Variants in FAM53A observed in about 807,000 individuals in gnomAD.
The protein encoded by FAM53A is protein FAM53A.
FAM53A carries 28 observed loss-of-function variants against 26.6 expected under a neutral mutation model. That is an observed-to-expected ratio of 1.05 (90% confidence interval 0.78 to 1.45). The LOEUF (loss-of-function observed/expected upper bound fraction) is 1.45, where lower values mean the gene tolerates loss of function less well. Among genes scored for constraint, FAM53A ranks in the 40% most tolerant of loss-of-function variants. FAM53A has a pLI of 0.00. For synonymous variants in FAM53A, 290 were observed against 253.1 expected, an observed-to-expected ratio of 1.15 and a Z score of -1.38; for missense variants, 650 against 575.8, an observed-to-expected ratio of 1.13 and a Z score of -1.32.
At chr4:1,681,154 C>T (rs1224619049) in intron 1 of FAM53A, among the ~76,000 whole-genome samples, 6 of 152,074 alleles carry the variant, frequency 3.9e-5, no homozygotes, top group African/African-American at 1.2e-4. Flanking sequence ...TGAAGTGCAA[C>T]GGCGCGATCT....
intron 1 of FAM53A, among the ~76,000 whole-genome samples, chr4:1,671,931 A>C (rs1238858709): frequency 1.3e-5 from 2 of 152,236 alleles, no homozygotes; most frequent in Non-Finnish European, 2.9e-5. Context: ...GGGCAGGGAA[A>C]AGAGCTGGAG....
the FAM53A span, among the ~76,000 whole-genome samples, chr4:1,609,917 C>T: frequency 1.4e-4 from 22 of 152,066 alleles, no homozygotes; most frequent in South Asian, 2.1e-4. Flanking sequence ...GAGCCGAGAT[C>T]GCGCCACTGC....
chr4:1,658,811 G>A (rs1298246845), intron 2 of FAM53A, among the ~76,000 whole-genome samples: 1 of 152,218 alleles, frequency 6.6e-6, no homozygotes, highest in Non-Finnish European at 1.5e-5. Flanking sequence ...CCGGGTGCCC[G>A]GCAAGCTCCC....
At chr4:1,636,970 C>G (rs965971073), downstream of FAM53A, among the ~76,000 whole-genome samples, 3 of 152,204 alleles carry the variant, frequency 2.0e-5, no homozygotes, top group Non-Finnish European at 4.4e-5. Context: ...CCTCCTCCCC[C>G]CAGGGCACTG....
rs777114084 is a variant in FAM53A at position 1,655,013 on chromosome 4, T to A, written c.847A>T (p.Thr283Ser). 6.4e-7 allele frequency: 1 copy of A among 1,551,258 alleles called. No homozygotes were observed. The highest frequency in any genetic ancestry group is 8.7e-7 in the Non-Finnish European group (1 of 1,150,032). The change falls in exon 4 of 5, where the codon ACA becomes TCA. Residue 283 changes from threonine (T) to serine (S), a missense_variant. Thr to Ser is a moderately conservative substitution (Grantham distance 58). Coordinates refer to ENST00000308132, the MANE Select transcript of FAM53A (RefSeq NM_001174070.3). ...KRRREEDARW[T>S]RPSLDFLKMT... ...TTCAGGAAGTCCAAGGATGGGCGTG[T>A]CCACCTGGCGTCCTCCTCACGCCTC...
intron 1 of FAM53A, among the ~76,000 whole-genome samples, chr4:1,624,882 G>A (rs1715211164): frequency 6.7e-6 from 1 of 148,928 alleles, no homozygotes; most frequent in Admixed American, 6.7e-5. Context: ...ACGTGGTCAG[G>A]GGTCACACCA....
chr4:1,609,935 A>C, the FAM53A span, among the ~76,000 whole-genome samples: 1 of 151,988 alleles, frequency 6.6e-6, no homozygotes, highest in Non-Finnish European at 1.5e-5. Context: ...TGCACTCCAG[A>C]CTGGGCAACA....
At chr4:1,651,868 A>G (rs1475124793) in intron 4 of FAM53A, among the ~76,000 whole-genome samples, 1 of 151,954 alleles carries the variant, frequency 6.6e-6, no homozygotes, top group Non-Finnish European at 1.5e-5. Context: ...GCGCAGCCCC[A>G]GTCCTAGGGG....
At position 1,640,179 on chromosome 4, in the gene FAM53A, C is replaced by T. The variant is rs1048132422; in HGVS notation, c.*1114G>A. 71 of 162,220 alleles carry T rather than the reference C, an allele frequency of 4.4e-4. No individual in the cohort carries two copies. Among genetic ancestry groups the T allele is most frequent in the African/African-American group, 1.6e-3 (68 of 41,504 alleles). The allele number at this position is 162,220 out of a possible 1,614,324, so 10.0% of individuals were successfully genotyped here. On this transcript the variant is annotated 3_prime_UTR_variant, in exon 5 of 5. Transcript: ENST00000308132. ...AAGGTGCAAGGGCCCTCCCAGGCCA[C>T]GGGAAGCAGGGACTCATGGCACCTT...
chr4:1,612,966 C>T (rs1393173082), downstream of FAM53A, among the ~76,000 whole-genome samples: 1 of 152,218 alleles, frequency 6.6e-6, no homozygotes, highest in Non-Finnish European at 1.5e-5. Flanking sequence ...AATTCACTAA[C>T]CCAGGCATGC....
chr4:1,593,065 C>T, the FAM53A span, among the ~76,000 whole-genome samples: 1 of 152,176 alleles, frequency 6.6e-6, no homozygotes, highest in Non-Finnish European at 1.5e-5. Flanking sequence ...GGAGCACGAG[C>T]GGGCGCAGCA....
the FAM53A span, among the ~76,000 whole-genome samples, chr4:1,600,535 C>G: frequency 6.6e-6 from 1 of 152,220 alleles, no homozygotes; most frequent in Non-Finnish European, 1.5e-5. Context: ...CACGTGTGCA[C>G]TGTCCCTGCA....
At chr4:1,583,548 C>T in the FAM53A span, among the ~76,000 whole-genome samples, 2 of 152,248 alleles carry the variant, frequency 1.3e-5, no homozygotes, top group African/African-American at 2.4e-5. Context: ...GCTTCTCACA[C>T]GTCTCATGTG....
In FAM53A at chr4:1,641,503, G is replaced by A. The variant is rs1156861060; in HGVS notation, c.987C>T (p.Gly329=). Residue 329 remains glycine, a synonymous_variant, in exon 5 of 5, where the codon GGC becomes GGT. Coordinates refer to ENST00000308132, the MANE Select transcript of FAM53A (RefSeq NM_001174070.3). ...TVLSSPCDSR[G]LPGITMPGCS... ...AGCCAGGCATGGTGATGCCAGGGAG[G>A]CCCCGGGAGTCACATGGGGAGGACA... The A allele has an allele frequency of 1.2e-6, 2 of 1,614,080 alleles. No homozygotes were observed. Among genetic ancestry groups the A allele is most frequent in the Non-Finnish European group, 1.7e-6 (2 of 1,180,028 alleles).
chr4:1,656,372 G>T (rs1438784166), intron 3 of FAM53A, among the ~76,000 whole-genome samples: 1 of 152,226 alleles, frequency 6.6e-6, no homozygotes, highest in African/African-American at 2.4e-5. Context: ...AGGTGCATGG[G>T]CCTGGCATGG....
the FAM53A span, among the ~76,000 whole-genome samples, chr4:1,594,251 C>A: frequency 2.6e-5 from 4 of 152,224 alleles, no homozygotes; most frequent in African/African-American, 9.6e-5. Flanking sequence ...AACCGATTCA[C>A]AGGTCACCAG....
the FAM53A span, among the ~76,000 whole-genome samples, chr4:1,608,189 G>A: frequency 1.5e-5 from 2 of 130,126 alleles, no homozygotes; most frequent in East Asian, 3.9e-4. Context: ...CACTGATGGT[G>A]CCCCTATGGC....
At chr4:1,656,820 G>A (rs927582604) in intron 3 of FAM53A, among the ~76,000 whole-genome samples, 1 of 152,166 alleles carries the variant, frequency 6.6e-6, no homozygotes, top group Admixed American at 6.5e-5. Context: ...AGGGCGCTGG[G>A]CGTGTCACAG....
At chr4:1,593,620 C>T in the FAM53A span, among the ~76,000 whole-genome samples, 3 of 152,020 alleles carry the variant, frequency 2.0e-5, no homozygotes, top group African/African-American at 7.3e-5. Context: ...CCAGCCAGGC[C>T]GGATCTATTT....
Sources: allele counts gnomAD v4.1 joint callset (sites outside exome capture counted in the v4.1 genomes callset), GRCh38; gene constraint gnomAD v4.1.1; transcripts MANE v1.5; gene names NCBI Gene and HGNC (gene_info 2026-07-23, HGNC 2026-07-21).